ZFHX3: variants seen among roughly 807,000 people sequenced by gnomAD.
The protein encoded by ZFHX3 is zinc finger homeobox protein 3.
Under a neutral mutation model 279.1 loss-of-function variants are expected in ZFHX3, and 42 were observed. That is an observed-to-expected ratio of 0.15 (90% CI 0.12 to 0.19). ZFHX3 has a LOEUF of 0.19. ZFHX3 is among the 10% of genes least tolerant of loss of function. The probability of loss-of-function intolerance (pLI) is 1.00; values close to 1 mark genes in which losing one functional copy is unlikely to be tolerated. For synonymous variants in ZFHX3, 2,293 were observed against 1,957.8 expected (o/e 1.17, Z -4.52); for missense variants, 4,981 against 4,754.0 (o/e 1.05, Z -1.40).
chr16:73,478,358 G>C (rs770686924), intron 2 of ZFHX3, among the ~76,000 whole-genome samples: 18 of 150,818 alleles, frequency 1.2e-4, no homozygotes, highest in Non-Finnish European at 2.4e-4. Context: ...CAGATTAAAA[G>C]TCTGATGCTC....
Position 72,794,958 on chromosome 16 carries a change from A to G in ZFHX3, c.7724T>C (p.Met2575Thr), listed in dbSNP as rs751540267. ...GAGTGGGTTACTGGGATCAAAGAGC[A>G]TGAAAGGCATATCCAGGGACCTGTC... The part of the protein sequence containing the change: ...FLDRSLDMPF[M>T]LFDPSNPLLA... The change falls in exon 9 of 10, where the codon ATG (methionine) becomes ACG (threonine). Residue 2575 changes from methionine to threonine, a missense_variant. By Grantham distance (81) the Met-to-Thr change is moderately conservative (BLOSUM62 -1). This residue lies in a region of ZFHX3 where 744 missense variants were observed against 701.3 expected (regional missense o/e 1.06). Transcript: ENST00000268489. This position sits in a 1 kb window ranked among gnomAD's most constrained non-coding sequence, Gnocchi z 4.2. 1.9e-6 allele frequency: 3 copies of G among 1,614,188 alleles called. No homozygotes were observed. Among genetic ancestry groups the G allele is most frequent in the Admixed American group, 3.3e-5 (2 of 60,020 alleles).
At position 72,787,691 on chromosome 16, in the gene ZFHX3, A is replaced by G; in HGVS notation, c.10585T>C (p.Tyr3529His). The G allele has an allele frequency of 6.9e-7, 1 of 1,449,566 alleles. No individual in the cohort carries two copies. Among genetic ancestry groups the G allele is most frequent in the Non-Finnish European group, 9.1e-7 (1 of 1,097,264 alleles). 89.8% of individuals were successfully genotyped at this position (1,449,566 alleles called of 1,614,324 possible). A position where few individuals can be genotyped will look rare whatever the true frequency, so the allele number is the denominator to read the frequency against. ...GGGGGGGGGS[Y>H]HCLACESALC... ...GCGCTCTCGCACGCCAGGCAGTGGT[A>G]CGAGCCGCCGCCGCCGCCGCCGCCG... Residue 3529 changes from tyrosine (Y) to histidine (H), a missense_variant, in exon 10 of 10, where the codon TAC becomes CAC. Tyr to His is a moderately conservative substitution (Grantham distance 83). Transcript: ENST00000268489.
rs1447814468 is a variant in ZFHX3 at position 73,125,772 on chromosome 16, A to C, written c.-897+5196T>G. On this transcript the variant is annotated intron_variant, in intron 7 of 17. Coordinates refer to the ZFHX3 transcript ENST00000641206. ...GTGATCGTGTGAGTTAATACTTAAT[A>C]AACTCCCATATATATATATGTGTGT... Among the ~76,000 whole-genome samples the C allele has an allele frequency of 5.9e-5, 9 of 151,390 alleles. No individual in the cohort carries two copies. In the East Asian group the frequency reaches 1.7e-3, roughly 29 times the overall value.
At chr16:73,375,768 A>G (rs1323522063) in intron 3 of ZFHX3, among the ~76,000 whole-genome samples, 1 of 152,216 alleles carries the variant, frequency 6.6e-6, no homozygotes, top group Non-Finnish European at 1.5e-5. Flanking sequence ...TAGTCCCAGG[A>G]AAACAGAAAT....
chr16:73,286,151 C>T (rs890308567), intron 4 of ZFHX3, among the ~76,000 whole-genome samples: 2 of 151,514 alleles, frequency 1.3e-5, no homozygotes, highest in South Asian at 2.1e-4. Flanking sequence ...TCTCTCCCTC[C>T]CTCTCTCTCT....
At chr16:73,648,930 G>A (rs1463785155) in intron 2 of ZFHX3, among the ~76,000 whole-genome samples, 1 of 152,114 alleles carries the variant, frequency 6.6e-6, no homozygotes, top group Admixed American at 6.6e-5. Flanking sequence ...TGGAAATAAA[G>A]ACTAATTTTC....
intron 2 of ZFHX3, among the ~76,000 whole-genome samples, chr16:73,458,036 G>T (rs1038845809): frequency 6.6e-6 from 1 of 152,136 alleles, no homozygotes; most frequent in Admixed American, 6.5e-5. Flanking sequence ...GAACCATTTT[G>T]TCCTGCACCA....
chr16:73,660,289 T>C lies in ZFHX3; in HGVS notation c.-1547+19891A>G, dbSNP rs879536983. 7.2e-5 allele frequency among the ~76,000 whole-genome samples: 11 copies of C among 152,348 alleles called. No individual in the cohort carries two copies. The Middle Eastern group carries it at 0.01, about 141-fold the overall frequency. On this transcript the variant is annotated intron_variant, in intron 2 of 17. Transcript: ENST00000641206. ...AAAGGATTTCTATGGAACGCTTCTC[T>C]ACTTTTAAAGTCAGCATTTAACTTT...
intron 5 of ZFHX3, among the ~76,000 whole-genome samples, chr16:72,820,419 T>C (rs933561510): frequency 5.3e-5 from 8 of 152,206 alleles, no homozygotes; most frequent in Non-Finnish European, 4.4e-5. Flanking sequence ...TGTGTCAGGT[T>C]TGCAAATGAA....
intron 2 of ZFHX3, among the ~76,000 whole-genome samples, chr16:73,534,335 C>A (rs2019857426): frequency 6.6e-6 from 1 of 152,142 alleles, no homozygotes; most frequent in Non-Finnish European, 1.5e-5. Context: ...GCTTAAATAT[C>A]CTCTCAATGA....
At chr16:72,956,098 T>A (rs151082489) in intron 2 of ZFHX3, among the ~76,000 whole-genome samples, 93 of 152,294 alleles carry the variant, frequency 6.1e-4, no homozygotes, top group African/African-American at 2.2e-3. Context: ...GAAAATGAGA[T>A]TAAAGTACTA....
At chr16:73,011,629 C>A (rs1963921576) in intron 1 of ZFHX3, among the ~76,000 whole-genome samples, 1 of 151,884 alleles carries the variant, frequency 6.6e-6, no homozygotes, top group African/African-American at 2.4e-5. Context: ...GAGGCTGAGG[C>A]AGGAGAATCA....
chr16:73,701,927 C>A (rs1185470475), intron 1 of ZFHX3, among the ~76,000 whole-genome samples: 1 of 151,450 alleles, frequency 6.6e-6, no homozygotes, highest in South Asian at 2.1e-4. Context: ...TCACTGCACC[C>A]GTAAAAAAAG....
Position 73,352,751 on chromosome 16 carries a change from G to C in ZFHX3, c.-1290-34415C>G, listed in dbSNP as rs1042228453. Among the ~76,000 whole-genome samples, 3 of 152,236 alleles carry C rather than the reference G, an allele frequency of 2.0e-5. No homozygotes were observed. The East Asian group carries it at 5.8e-4, about 29-fold the overall frequency. On this transcript the variant is annotated intron_variant, in intron 3 of 17. Coordinates refer to the ZFHX3 transcript ENST00000641206. Reference sequence around the variant, plus strand: ...CACCTGGGACACATAGAAGCTTTAAGTAAGGGACACAACTAGCCACTTACA... The same window carrying C: ...CACCTGGGACACATAGAAGCTTTAACTAAGGGACACAACTAGCCACTTACA...
Position 73,659,420 on chromosome 16 carries a change from G to A in ZFHX3, c.-1547+20760C>T, listed in dbSNP as rs141394445. On this transcript the variant is annotated intron_variant, in intron 2 of 17. Transcript: ENST00000641206. Reference sequence around the variant, plus strand: ...ATAAGGGTGTCAGGTTCGATTAGAAGCCACGTACAATTTGGCTCTGAGAAG... The same window carrying A: ...ATAAGGGTGTCAGGTTCGATTAGAAACCACGTACAATTTGGCTCTGAGAAG... Among the ~76,000 whole-genome samples, 16 of 152,022 alleles carry A rather than the reference G, an allele frequency of 1.1e-4. No individual in the cohort carries two copies. In the East Asian group the frequency reaches 3.1e-3, roughly 30 times the overall value.
chr16:73,737,508 T>C lies in ZFHX3; in HGVS notation c.-1607-57268A>G, dbSNP rs565612683. Among the ~76,000 whole-genome samples, 60 of 152,342 alleles carry C rather than the reference T, an allele frequency of 3.9e-4. 1 individual carries two copies. The highest frequency in any genetic ancestry group is 1.3e-3 in the African/African-American group (55 of 41,588). Reference sequence around the variant, plus strand: ...TTTCTGAGAAAATGCCCGGATATTTTACCATCATGAAGAGTAATATCAACA... The same window carrying C: ...TTTCTGAGAAAATGCCCGGATATTTCACCATCATGAAGAGTAATATCAACA... On this transcript the variant is annotated intron_variant, in intron 1 of 17. Coordinates refer to the ZFHX3 transcript ENST00000641206.
intron 1 of ZFHX3, among the ~76,000 whole-genome samples, chr16:73,888,779 A>G (rs1361887006): frequency 6.6e-6 from 1 of 152,026 alleles, no homozygotes; most frequent in Non-Finnish European, 1.5e-5. Context: ...GGCTAAGTGT[A>G]AGCAGAAACA....
intron 1 of ZFHX3, among the ~76,000 whole-genome samples, chr16:73,741,683 C>T (rs1335970720): frequency 2.0e-5 from 3 of 152,160 alleles, no homozygotes; most frequent in Non-Finnish European, 4.4e-5. Context: ...TTCCAGACTA[C>T]CCACATTTGT....
At chr16:73,779,778 C>T (rs1359964412) in intron 1 of ZFHX3, among the ~76,000 whole-genome samples, 3 of 152,084 alleles carry the variant, frequency 2.0e-5, no homozygotes, top group Admixed American at 6.6e-5. Context: ...AGGGCAATAG[C>T]GCAATCTCGG....
Sources: gnomAD v4.1 joint callset for allele counts (sites outside exome capture counted in the v4.1 genomes callset) on GRCh38, gnomAD v4.1.1 for gene constraint, gnomAD v4.1.1 regional missense constraint, Gnocchi (gnomAD v3.1) non-coding constraint, MANE v1.5 for transcripts, NCBI Gene and HGNC (gene_info 2026-07-23, HGNC 2026-07-21) for gene names.